Variants in DPP10 observed in about 807,000 individuals in gnomAD.
DPP10 encodes the protein inactive dipeptidyl peptidase 10.
A neutral mutation model predicts 120.9 loss-of-function variants in DPP10; 33 were observed. The observed-to-expected ratio is 0.27, with a 90% CI of 0.21 to 0.37. The LOEUF (loss-of-function observed/expected upper bound fraction) is 0.37. DPP10 is among the 10% of genes least tolerant of loss of function. The probability of loss-of-function intolerance (pLI) is 1.00; values close to 1 mark genes in which losing one functional copy is unlikely to be tolerated. For synonymous variants in DPP10, 337 were observed against 326.1 expected (o/e 1.03, Z -0.36); for missense variants, 816 against 942.8 (o/e 0.87, Z 1.76).
At chr2:115,509,855 A>G (rs953382080) in intron 4 of DPP10, among the ~76,000 whole-genome samples, 1 of 152,100 alleles carries the variant, frequency 6.6e-6, no homozygotes, top group Non-Finnish European at 1.5e-5. Context: ...ATTAATTCAC[A>G]TCTCTACAAA....
chr2:115,760,633 T>C (rs555832768), intron 11 of DPP10, among the ~76,000 whole-genome samples: 126 of 152,300 alleles, frequency 8.3e-4, no homozygotes, highest in Non-Finnish European at 1.5e-3. Flanking sequence ...AGCATAGTCG[T>C]GGAAATGAGA....
chr2:115,307,074 A>G (rs1463304001), intron 1 of DPP10, among the ~76,000 whole-genome samples: 1 of 152,124 alleles, frequency 6.6e-6, no homozygotes, highest in Non-Finnish European at 1.5e-5. Context: ...TAGTGATAAA[A>G]GGATATGTTA....
intron 1 of DPP10, among the ~76,000 whole-genome samples, chr2:114,463,915 G>A (rs192616262): frequency 3.3e-5 from 5 of 152,096 alleles, no homozygotes; most frequent in East Asian, 3.9e-4. Flanking sequence ...TTTCAGATAG[G>A]CTTTTTTTCA....
chr2:114,709,765 G>A (rs1053426125), intron 1 of DPP10, among the ~76,000 whole-genome samples: 5 of 152,104 alleles, frequency 3.3e-5, no homozygotes, highest in East Asian at 1.9e-4. Context: ...ATGGGAATAC[G>A]TTCTAATAAG....
chr2:115,356,023 T>G (rs1300380911), intron 3 of DPP10, among the ~76,000 whole-genome samples: 1 of 152,212 alleles, frequency 6.6e-6, no homozygotes, highest in Non-Finnish European at 1.5e-5. Context: ...TGTTTAGGAT[T>G]GTCTTGGCTA....
chr2:115,634,190 A>C (rs547131145), intron 5 of DPP10, among the ~76,000 whole-genome samples: 1 of 152,190 alleles, frequency 6.6e-6, no homozygotes. Context: ...CTCCTTCTGA[A>C]GACTACTTCC....
intron 21 of DPP10, among the ~76,000 whole-genome samples, chr2:115,822,787 TA>T (rs1222746375): frequency 6.6e-6 from 1 of 152,016 alleles, no homozygotes; most frequent in Non-Finnish European, 1.5e-5. Flanking sequence ...AAAAATGTGT[TA>T]AAATCTCACT....
At chr2:115,673,461 G>A (rs2090057506) in intron 5 of DPP10, among the ~76,000 whole-genome samples, 1 of 152,038 alleles carries the variant, frequency 6.6e-6, no homozygotes. Flanking sequence ...AAAAGTTTAG[G>A]GAGTCAAGAC....
At chr2:115,253,375 A>G (rs2105688250) in intron 1 of DPP10, among the ~76,000 whole-genome samples, 1 of 152,258 alleles carries the variant, frequency 6.6e-6, no homozygotes, top group African/African-American at 2.4e-5. Flanking sequence ...TCCTTCTCAC[A>G]TTACAAAATA....
At chr2:115,805,908 C>G (rs934290997) in intron 19 of DPP10, among the ~76,000 whole-genome samples, 2 of 152,090 alleles carry the variant, frequency 1.3e-5, no homozygotes, top group African/African-American at 2.4e-5. Context: ...TGTACTCTCA[C>G]CGCATTATGA....
intron 1 of DPP10, among the ~76,000 whole-genome samples, chr2:114,604,929 A>G (rs1256923018): frequency 6.6e-6 from 1 of 152,136 alleles, no homozygotes; most frequent in South Asian, 2.1e-4. Flanking sequence ...TAATCATATC[A>G]GAAGAATTTG....
rs114101198 is a variant in DPP10, at chr2:114,558,734, T to C, written c.60+115896T>C. On this transcript the variant is annotated intron_variant, in intron 1 of 25. Coordinates refer to ENST00000410059, the MANE Select transcript of DPP10 (RefSeq NM_020868.6). ...TGCTGTAGAGTATTATATGTTTAAATATTAATTTCAAAGATTTTTAAGACT... is the reference window on the plus strand; with the variant it reads ...TGCTGTAGAGTATTATATGTTTAAACATTAATTTCAAAGATTTTTAAGACT... Among the ~76,000 whole-genome samples the C allele has an allele frequency of 4.4e-3, 677 of 152,338 alleles. 4 individuals carry two copies. The highest frequency in any genetic ancestry group is 0.015 in the African/African-American group (639 of 41,584).
At chr2:115,812,997 C>T (rs1343629334) in intron 19 of DPP10, among the ~76,000 whole-genome samples, 19 of 96,376 alleles carry the variant, frequency 2.0e-4, no homozygotes, top group African/African-American at 7.3e-4. Context: ...TTTTTTGAGA[C>T]GGAGTCTCGC....
intron 5 of DPP10, among the ~76,000 whole-genome samples, chr2:115,635,098 G>A (rs1350357220): frequency 6.6e-6 from 1 of 151,190 alleles, no homozygotes; most frequent in Non-Finnish European, 1.5e-5. Context: ...TGGAGCTGCA[G>A]TGATGGCGGC....
chr2:115,689,201 T>G (rs2091175547), intron 5 of DPP10, among the ~76,000 whole-genome samples: 1 of 152,120 alleles, frequency 6.6e-6, no homozygotes, highest in East Asian at 1.9e-4. Flanking sequence ...GGGGCTTTAT[T>G]ATAAGGGGTA....
chr2:115,388,783 A>C (rs1202429930), intron 3 of DPP10, among the ~76,000 whole-genome samples: 2 of 152,208 alleles, frequency 1.3e-5, no homozygotes, highest in Admixed American at 1.3e-4. Context: ...AAGTAATTTA[A>C]TGAGATTTTA....
At chr2:115,354,042 A>C (rs982462617) in intron 3 of DPP10, among the ~76,000 whole-genome samples, 1 of 152,186 alleles carries the variant, frequency 6.6e-6, no homozygotes, top group Non-Finnish European at 1.5e-5. Context: ...TTTTTAGAAA[A>C]TGTAATTGTT....
At chr2:115,099,189 C>T (rs1019192528) in intron 1 of DPP10, among the ~76,000 whole-genome samples, 1 of 151,846 alleles carries the variant, frequency 6.6e-6, no homozygotes, top group Non-Finnish European at 1.5e-5. Flanking sequence ...TGGTGGGTGC[C>T]TGTAATCCCA....
chr2:115,605,294 G>A (rs2083631103), intron 5 of DPP10, among the ~76,000 whole-genome samples: 1 of 152,030 alleles, frequency 6.6e-6, no homozygotes, highest in Non-Finnish European at 1.5e-5. Context: ...TGAGAAGACT[G>A]TGAGCTAGAG....
Sources: gnomAD v4.1 joint callset for allele counts (sites outside exome capture counted in the v4.1 genomes callset) on GRCh38, gnomAD v4.1.1 for gene constraint, MANE v1.5 for transcripts, NCBI Gene and HGNC (gene_info 2026-07-23, HGNC 2026-07-21) for gene names.